PPP3CC: variants seen among roughly 807,000 people sequenced by gnomAD.
The protein encoded by PPP3CC is serine/threonine-protein phosphatase 2B catalytic subunit gamma isoform.
PPP3CC carries 35 observed loss-of-function variants against 60.3 expected under a neutral mutation model. The ratio of observed to expected loss-of-function variants is 0.58; its 90% CI spans 0.44 to 0.77. PPP3CC has a LOEUF of 0.77. PPP3CC is among the 30% of genes least tolerant of loss of function. PPP3CC has a pLI of 0.00. For missense variants in PPP3CC, 570 were observed against 628.9 expected (o/e 0.91, Z 1.00); for synonymous variants, 206 against 224.3 (o/e 0.92, Z 0.73).
At chr8:22,449,906 G>A (rs555396216) in intron 1 of PPP3CC, among the ~76,000 whole-genome samples, 216 of 144,864 alleles carry the variant, frequency 1.5e-3, no homozygotes, top group African/African-American at 5.3e-3. Flanking sequence ...TCTCGCTGTC[G>A]CCCGGGCTGG....
chr8:22,530,596 G>A (rs1839682518), intron 10 of PPP3CC, among the ~76,000 whole-genome samples: 1 of 151,464 alleles, frequency 6.6e-6, no homozygotes. Flanking sequence ...ACTTTGGGAG[G>A]CTGAGGCAGG....
chr8:22,480,254 GTTATGAGTTATACAATTT>G, intron 3 of PPP3CC, among the ~76,000 whole-genome samples: 1 of 151,996 alleles, frequency 6.6e-6, no homozygotes, highest in Non-Finnish European at 1.5e-5. Flanking sequence ...TTAAGACTGA[GTTATGAGTTATACAATTT>G]TTATGAGTTA....
At chr8:22,470,327 C>G (rs1000122709) in intron 1 of PPP3CC, among the ~76,000 whole-genome samples, 1 of 151,820 alleles carries the variant, frequency 6.6e-6, no homozygotes. Context: ...GTCTAGCTAT[C>G]CAACAATAAG....
chr8:22,522,836 C>T, intron 8 of PPP3CC, 87 bp downstream of exon 8: 1 of 938,180 alleles, frequency 1.1e-6, no homozygotes, highest in Non-Finnish European at 1.6e-6. Context: ...GTGTTTGTGT[C>T]ATTTTAAAAC....
In PPP3CC at chr8:22,513,245, C is replaced by T. The variant is rs749640489; in HGVS notation, c.631-48C>T. 9 of 1,574,532 alleles carry T rather than the reference C, an allele frequency of 5.7e-6. No homozygotes were observed. In the Admixed American group the frequency reaches 9.1e-5, roughly 16 times the overall value. ...TTGACACATACTAGTTTCCAAGAAGCCTTTTGCTCTCCTGATTTTTTTCTT... is the reference window on the plus strand; with the variant it reads ...TTGACACATACTAGTTTCCAAGAAGTCTTTTGCTCTCCTGATTTTTTTCTT... On this transcript the variant is annotated intron_variant, in intron 5 of 13. Transcript: ENST00000240139.
chr8:22,482,830 C>T (rs1838108680), intron 3 of PPP3CC, among the ~76,000 whole-genome samples: 1 of 152,084 alleles, frequency 6.6e-6, no homozygotes, highest in Non-Finnish European at 1.5e-5. Flanking sequence ...TCAAGAAAAG[C>T]CAAGATACAG....
chr8:22,513,361 G>A lies in PPP3CC; in HGVS notation c.699G>A (p.Glu233=), dbSNP rs1377027130. The part of the protein sequence containing the change: ...VCDLLWSDPS[E]DYGNEKTLEH... ...ACCTGCTTTGGTCTGATCCCTCAGAGGATTATGGCAATGAGAAGACCTTGG... is the reference window on the plus strand; with the variant it reads ...ACCTGCTTTGGTCTGATCCCTCAGAAGATTATGGCAATGAGAAGACCTTGG... The change falls in exon 6 of 14, where the codon GAG becomes GAA. Residue 233 remains glutamate (E), a synonymous_variant. Coordinates refer to ENST00000240139, the MANE Select transcript of PPP3CC (RefSeq NM_005605.5). The A allele has an allele frequency of 6.2e-7, 1 of 1,613,896 alleles. No homozygotes were observed. Among genetic ancestry groups the A allele is most frequent in the African/African-American group, 1.3e-5 (1 of 74,994 alleles).
intron 4 of PPP3CC, among the ~76,000 whole-genome samples, chr8:22,499,196 T>C (rs956391444): frequency 1.4e-4 from 21 of 150,916 alleles, no homozygotes; most frequent in Non-Finnish European, 2.7e-4. Flanking sequence ...TCCCAGCACT[T>C]TGGGAGGCCG....
intron 4 of PPP3CC, among the ~76,000 whole-genome samples, chr8:22,505,435 T>TA (rs1563753045): frequency 1.3e-5 from 2 of 152,312 alleles, no homozygotes; most frequent in African/African-American, 4.8e-5. Flanking sequence ...CTGGATTTTT[T>TA]AAAAAAATAA....
chr8:22,486,789 G>C (rs1165286213), intron 3 of PPP3CC, among the ~76,000 whole-genome samples: 2 of 151,240 alleles, frequency 1.3e-5, no homozygotes, highest in African/African-American at 4.9e-5. Context: ...GAGTACAGTG[G>C]CACCATCTCG....
At chr8:22,452,021 T>TTTTTG (rs1554527512) in intron 1 of PPP3CC, among the ~76,000 whole-genome samples, 2 of 148,462 alleles carry the variant, frequency 1.3e-5, no homozygotes, top group Admixed American at 1.3e-4. Flanking sequence ...GCATAATGGT[T>TTTTTG]TTTTTTTTTT....
At chr8:22,529,169 G>A (rs1437799331) in intron 10 of PPP3CC, among the ~76,000 whole-genome samples, 2 of 152,046 alleles carry the variant, frequency 1.3e-5, no homozygotes, top group African/African-American at 4.8e-5. Flanking sequence ...TAGAAAATCA[G>A]GAATAACACT....
At chr8:22,470,047 G>GATAT (rs34311032) in intron 1 of PPP3CC, among the ~76,000 whole-genome samples, 3 of 144,834 alleles carry the variant, frequency 2.1e-5, no homozygotes, top group African/African-American at 7.8e-5. Context: ...AAATATGGGT[G>GATAT]ATATATATAT....
At chr8:22,536,003 A>T (rs1224325579) in intron 12 of PPP3CC, among the ~76,000 whole-genome samples, 2 of 152,208 alleles carry the variant, frequency 1.3e-5, no homozygotes, top group Non-Finnish European at 2.9e-5. Flanking sequence ...AAGTGCTAGG[A>T]TTACAGGCGT....
chr8:22,511,002 A>C (rs1839068984), intron 4 of PPP3CC, 84 bp from the exon 5 acceptor site: 8,775 of 722,138 alleles, frequency 0.012, no homozygotes, highest in Non-Finnish European at 0.018. Context: ...GCTCTAAAGT[A>C]GCTTCATATT....
At chr8:22,517,701 T>G (rs187338281) in intron 6 of PPP3CC, among the ~76,000 whole-genome samples, 1 of 152,342 alleles carries the variant, frequency 6.6e-6, no homozygotes, top group East Asian at 1.9e-4. Context: ...GCATCTATTG[T>G]AATGTCTCCT....
At chr8:22,494,222 A>G (rs988153848) in intron 3 of PPP3CC, among the ~76,000 whole-genome samples, 2 of 152,190 alleles carry the variant, frequency 1.3e-5, no homozygotes, top group Non-Finnish European at 2.9e-5. Flanking sequence ...ACAGATCCGC[A>G]TGGCTGGGGA....
chr8:22,510,051 G>A (rs1839039318), intron 4 of PPP3CC, among the ~76,000 whole-genome samples: 1 of 152,074 alleles, frequency 6.6e-6, no homozygotes, highest in Non-Finnish European at 1.5e-5. Context: ...GGGCGTGGTG[G>A]CGTGTGCCTG....
intron 6 of PPP3CC, among the ~76,000 whole-genome samples, chr8:22,519,391 A>G (rs528966469): frequency 6.6e-6 from 1 of 152,256 alleles, no homozygotes; most frequent in South Asian, 2.1e-4. Flanking sequence ...AGGACTTACT[A>G]TTACCATTTT....
Sources: allele counts gnomAD v4.1 joint callset (sites outside exome capture counted in the v4.1 genomes callset), GRCh38; gene constraint gnomAD v4.1.1; transcripts MANE v1.5; gene names NCBI Gene and HGNC (gene_info 2026-07-23, HGNC 2026-07-21).